The following DIP2C variants were observed in gnomAD, a reference collection of about 807,000 sequenced individuals.
The protein encoded by DIP2C is disco-interacting protein 2 homolog C.
In DIP2C, 33 loss-of-function variants were observed where a neutral mutation model predicts 192.4. The ratio of observed to expected loss-of-function variants is 0.17; its 90% confidence interval spans 0.13 to 0.23. The LOEUF (loss-of-function observed/expected upper bound fraction) is 0.23, where lower values mean the gene tolerates loss of function less well. Among genes scored for constraint, DIP2C ranks in the 10% least tolerant of loss-of-function variants. The pLI, the probability that DIP2C is intolerant of heterozygous loss-of-function variation, is 1.00. For synonymous variants in DIP2C, 979 were observed against 864.1 expected (o/e 1.13, Z -2.33); for missense variants, 1,537 against 2,110.1 (o/e 0.73, Z 5.32).
At chr10:320,952 C>T (rs908550667) in intron 31 of DIP2C, among the ~76,000 whole-genome samples, 4 of 152,102 alleles carry the variant, frequency 2.6e-5, no homozygotes, top group Non-Finnish European at 5.9e-5. Context: ...GGAGGGGACC[C>T]GGGCGGAGCA....
chr10:551,570 C>T (rs979568187), intron 1 of DIP2C, among the ~76,000 whole-genome samples: 1 of 152,240 alleles, frequency 6.6e-6, no homozygotes, highest in African/African-American at 2.4e-5. Flanking sequence ...TCCTGCCAGG[C>T]TGGCTGTGTC....
chr10:372,809 C>CGGCT lies in DIP2C; in HGVS notation c.1992-3177_1992-3176insAGCC. ...CGGGAGCTCCCGGCACACAGGCAGG[C>CGGCT]ACAGAAGCGCGGGTACTCCTGACAC... On this transcript the variant is annotated intron_variant, in intron 17 of 36. Transcript: ENST00000280886. Among the ~76,000 whole-genome samples the CGGCT allele has an allele frequency of 1.2e-3, 188 of 151,528 alleles. 1 individual carries two copies. Among genetic ancestry groups the CGGCT allele is most frequent in the Middle Eastern group, 6.8e-3 (2 of 294 alleles).
At chr10:527,119 A>AT (rs1847099862) in intron 1 of DIP2C, among the ~76,000 whole-genome samples, 1 of 152,134 alleles carries the variant, frequency 6.6e-6, no homozygotes, top group Non-Finnish European at 1.5e-5. Flanking sequence ...TCTGGCCTGG[A>AT]TTCTCCGACG....
At chr10:423,139 G>T (rs1966322284) in intron 4 of DIP2C, 106 bp from the exon 5 acceptor site, 1 of 1,082,842 alleles carries the variant, frequency 9.2e-7, no homozygotes, top group Non-Finnish European at 1.3e-6. Context: ...CTCAATAGTT[G>T]TTCAATGACT....
chr10:507,728 G>C (rs1284291962), intron 1 of DIP2C, among the ~76,000 whole-genome samples: 1 of 152,154 alleles, frequency 6.6e-6, no homozygotes, highest in Admixed American at 6.5e-5. Context: ...ATTCCTTTCA[G>C]TACTGACGAT....
At chr10:297,664 G>A (rs1218167069) in intron 32 of DIP2C, among the ~76,000 whole-genome samples, 4 of 152,200 alleles carry the variant, frequency 2.6e-5, no homozygotes, top group African/African-American at 4.8e-5. Context: ...GCATACTGGA[G>A]GCTGGGAAGG....
At chr10:445,903 T>C (rs1968149226) in intron 3 of DIP2C, among the ~76,000 whole-genome samples, 1 of 151,698 alleles carries the variant, frequency 6.6e-6, no homozygotes, top group Non-Finnish European at 1.5e-5. Flanking sequence ...GCACTGGCCA[T>C]CTGTATACAT....
In DIP2C at chr10:357,753, G is replaced by GGGATGGTCGC. The variant is rs1339601923; in HGVS notation, c.2904+65_2904+74dup. On this transcript the variant is annotated intron_variant, in intron 23 of 36. Transcript: ENST00000280886. ...GGTAGGGGACAGTCGGGTACTGTCG[G>GGGATGGTCGC]GGATGGTCGCAGATGGTCGGGGACA... The GGGATGGTCGC allele has an allele frequency of 5.3e-5, 61 of 1,142,508 alleles. No homozygotes were observed. In the Admixed American group the frequency reaches 1.1e-3, roughly 20 times the overall value. 70.8% of individuals were successfully genotyped at this position (1,142,508 alleles called of 1,614,324 possible). A position where few individuals can be genotyped will look rare whatever the true frequency, so the allele number is the denominator to read the frequency against.
chr10:578,016 C>T (rs748025645), intron 1 of DIP2C, among the ~76,000 whole-genome samples: 1 of 152,106 alleles, frequency 6.6e-6, no homozygotes, highest in Non-Finnish European at 1.5e-5. Flanking sequence ...AAACTAAGTA[C>T]TAATTTTAAA....
Position 505,115 on chromosome 10 carries a change from G to A in DIP2C, c.86-18585C>T, listed in dbSNP as rs1445889136. Reference sequence around the variant, plus strand: ...CCCAGCACCCTTCCCGGAACCGTGTGCATCTCCCCAAAAGAAAACTGTACA... The same window carrying A: ...CCCAGCACCCTTCCCGGAACCGTGTACATCTCCCCAAAAGAAAACTGTACA... On this transcript the variant is annotated intron_variant, in intron 1 of 36. Transcript: ENST00000280886. Among the ~76,000 whole-genome samples the A allele has an allele frequency of 2.6e-5, 4 of 152,182 alleles. 1 individual carries two copies. In the East Asian group the frequency reaches 7.7e-4, roughly 29 times the overall value.
At chr10:316,740 CAG>C (rs1388938329) in intron 31 of DIP2C, among the ~76,000 whole-genome samples, 1 of 152,220 alleles carries the variant, frequency 6.6e-6, no homozygotes, top group Non-Finnish European at 1.5e-5. Flanking sequence ...CAGAGTGCCT[CAG>C]AGAAAATGCA....
chr10:513,094 A>C (rs1289877932), intron 1 of DIP2C, among the ~76,000 whole-genome samples: 1 of 152,214 alleles, frequency 6.6e-6, no homozygotes, highest in Non-Finnish European at 1.5e-5. Flanking sequence ...TCATGCTAAA[A>C]GCACATGCAT....
intron 1 of DIP2C, among the ~76,000 whole-genome samples, chr10:533,510 A>G (rs1029128957): frequency 6.6e-6 from 1 of 152,134 alleles, no homozygotes; most frequent in Non-Finnish European, 1.5e-5. Context: ...GGCCTCCTAC[A>G]ACAGTTTAGA....
intron 35 of DIP2C, 132 bp from the exon 36 acceptor site, chr10:281,455 G>C (rs2132134607): frequency 7.6e-7 from 1 of 1,311,948 alleles, no homozygotes; most frequent in Non-Finnish European, 1.0e-6. Flanking sequence ...CACGGATCCA[G>C]GGACGTTTGT....
At chr10:627,075 C>T (rs559916358) in intron 1 of DIP2C, among the ~76,000 whole-genome samples, 4 of 152,376 alleles carry the variant, frequency 2.6e-5, no homozygotes, top group Admixed American at 2.0e-4. Flanking sequence ...ACCAGGATTT[C>T]GCTCGGCTAT....
intron 3 of DIP2C, among the ~76,000 whole-genome samples, chr10:458,208 G>A (rs543265709): frequency 3.3e-4 from 51 of 152,280 alleles, no homozygotes; most frequent in Non-Finnish European, 5.0e-4. Flanking sequence ...ACTGTAGGCC[G>A]CCTTCTCTCC....
intron 4 of DIP2C, among the ~76,000 whole-genome samples, chr10:435,185 C>G (rs1197390085): frequency 1.3e-5 from 2 of 152,076 alleles, no homozygotes; most frequent in Non-Finnish European, 2.9e-5. Context: ...TTAGTGTTCT[C>G]TTTGCTTTTC....
chr10:397,725 T>A (rs377275262), intron 10 of DIP2C, among the ~76,000 whole-genome samples: 1 of 152,330 alleles, frequency 6.6e-6, no homozygotes, highest in African/African-American at 2.4e-5. Context: ...TTACCGTAAC[T>A]GCTTTACAGA....
chr10:549,981 T>C (rs1407097489), intron 1 of DIP2C, among the ~76,000 whole-genome samples: 2 of 149,148 alleles, frequency 1.3e-5, no homozygotes, highest in African/African-American at 2.5e-5. Context: ...TGCGGTGTCC[T>C]ACAGAAGCAA....
Sources: allele counts gnomAD v4.1 joint callset (sites outside exome capture counted in the v4.1 genomes callset), GRCh38; gene constraint gnomAD v4.1.1; transcripts MANE v1.5; gene names NCBI Gene and HGNC (gene_info 2026-07-23, HGNC 2026-07-21).